The following PCDHA5 variants were observed in gnomAD, a reference collection of about 807,000 sequenced individuals.
PCDHA5 encodes protocadherin alpha 5.
A neutral mutation model predicts 61.6 loss-of-function variants in PCDHA5; 43 were observed. The ratio of observed to expected loss-of-function variants is 0.70; its 90% CI spans 0.55 to 0.90. The LOEUF is 0.90. PCDHA5 is among the 40% of genes least tolerant of loss of function. The probability of loss-of-function intolerance (pLI) is 0.00; values close to 1 mark genes in which losing one functional copy is unlikely to be tolerated. For missense variants in PCDHA5, 1,298 were observed against 1,222.7 expected (o/e 1.06, Z -0.92); for synonymous variants, 627 against 543.9 (o/e 1.15, Z -2.13).
At chr5:140,924,812 T>G (rs947021976) in intron 1 of PCDHA5, among the ~76,000 whole-genome samples, 2 of 151,424 alleles carry the variant, frequency 1.3e-5, no homozygotes, top group African/African-American at 4.9e-5. Flanking sequence ...AGAGAATCGC[T>G]TGAACCTGGG....
intron 1 of PCDHA5, among the ~76,000 whole-genome samples, chr5:140,963,886 T>C (rs1211703076): frequency 6.6e-6 from 1 of 152,236 alleles, no homozygotes; most frequent in African/African-American, 2.4e-5. Flanking sequence ...TTGTTTTCCT[T>C]AATTAAAATG....
chr5:140,977,067 A>G (rs2096744217), intron 1 of PCDHA5, among the ~76,000 whole-genome samples: 1 of 152,250 alleles, frequency 6.6e-6, no homozygotes, highest in South Asian at 2.1e-4. Context: ...TATAGAAAAT[A>G]GCAGCATGAC....
rs782115498 is a variant in PCDHA5, at chr5:140,856,112, G to C, written c.2352+31985G>C. ...GCTGCTCTCGCTTCTTCTCCTCGCA[G>C]CCTGGGAGGTGGGGAGCGGCCAGCT... On this transcript the variant is annotated intron_variant, in intron 1 of 3. Coordinates refer to ENST00000529859, the MANE Select transcript of PCDHA5 (RefSeq NM_018908.3). The C allele has an allele frequency of 2.5e-6, 4 of 1,598,194 alleles. 1 individual carries two copies. The South Asian group carries it at 4.4e-5, about 18-fold the overall frequency.
chr5:140,868,937 C>T (rs2050742656), intron 1 of PCDHA5: 1 of 1,209,168 alleles, frequency 8.3e-7, no homozygotes, highest in East Asian at 2.5e-5. Flanking sequence ...AAAGGTTGGT[C>T]TGAACAGTGA....
At chr5:140,941,214 C>CCTTTCTTCCTTTCTTTCTTTCTTTCTTT (rs2092875794) in intron 1 of PCDHA5, among the ~76,000 whole-genome samples, 1 of 122,414 alleles carries the variant, frequency 8.2e-6, no homozygotes, top group Non-Finnish European at 1.7e-5. Flanking sequence ...TTTCTTTCTT[C>CCTTTCTTCCTTTCTTTCTTTCTTTCTTT]CTTTCTTTCT....
At chr5:140,937,786 T>C (rs246073) in intron 1 of PCDHA5, among the ~76,000 whole-genome samples, 52,378 of 148,788 alleles carry the variant, frequency 0.35, 9,253 homozygotes, top group East Asian at 0.54. Flanking sequence ...GTGGCGGGCG[T>C]ATGTAGTCCC....
intron 1 of PCDHA5, chr5:140,830,424 C>G: frequency 3.7e-6 from 6 of 1,613,930 alleles, no homozygotes; most frequent in Non-Finnish European, 5.1e-6. Flanking sequence ...AGCCTTTCAC[C>G]TTGTCCTATT....
At chr5:140,828,983 A>C (rs2150161618) in intron 1 of PCDHA5, 1 of 1,614,204 alleles carries the variant, frequency 6.2e-7, no homozygotes, top group South Asian at 1.1e-5. Context: ...CATAGATCGA[A>C]ATACGGGAGA....
intron 1 of PCDHA5, chr5:140,843,500 C>T: frequency 1.3e-6 from 2 of 1,596,010 alleles, no homozygotes; most frequent in South Asian, 1.1e-5. Flanking sequence ...CTCAGCACTG[C>T]CCACTGAGGG....
At chr5:140,837,516 C>CT (rs1554136502) in intron 1 of PCDHA5, among the ~76,000 whole-genome samples, 2 of 151,568 alleles carry the variant, frequency 1.3e-5, no homozygotes, top group African/African-American at 4.9e-5. Flanking sequence ...AAGCAGTTTA[C>CT]TTTTTTTGTA....
At position 140,848,444 on chromosome 5, in the gene PCDHA5, C is replaced by T. The variant is rs2150410443; in HGVS notation, c.2352+24317C>T. 2.3e-5 allele frequency: 35 copies of T among 1,498,894 alleles called. 1 individual carries two copies. Among genetic ancestry groups the T allele is most frequent in the Non-Finnish European group, 2.9e-5 (32 of 1,100,132 alleles). The allele number at this position is 1,498,894 out of a possible 1,614,324, so 92.8% of individuals were successfully genotyped here. On this transcript the variant is annotated intron_variant, in intron 1 of 3. Coordinates refer to ENST00000529859, the MANE Select transcript of PCDHA5 (RefSeq NM_018908.3). ...TGGGACTGACGAAATCAGATGATTT[C>T]TTCTAATTTGGAGGCAATTTTCACT... is the stretch of plus-strand genomic sequence containing the variant.
Position 140,870,220 on chromosome 5 carries a change from G to A in PCDHA5, c.2352+46093G>A, listed in dbSNP as rs199741132. 3.2e-5 allele frequency: 52 copies of A among 1,614,042 alleles called. No individual in the cohort carries two copies. The highest frequency in any genetic ancestry group is 2.7e-5 in the Non-Finnish European group (32 of 1,180,040). ...CAGCACGGTCATTGCCCTGATCAGC[G>A]TGTCTGACCGTGACTCAGGTGTCAA... On this transcript the variant is annotated intron_variant, in intron 1 of 3. Transcript: ENST00000529859.
intron 1 of PCDHA5, chr5:140,877,514 G>C: frequency 6.2e-7 from 1 of 1,613,764 alleles, no homozygotes; most frequent in South Asian, 1.1e-5. Context: ...ACGTCGTCGC[G>C]GGCCTCAGTG....
At chr5:140,932,633 A>T (rs1192123242) in intron 1 of PCDHA5, among the ~76,000 whole-genome samples, 1 of 151,912 alleles carries the variant, frequency 6.6e-6, no homozygotes, top group African/African-American at 2.4e-5. Flanking sequence ...ACACTAAAAA[A>T]CTTTAGAATG....
At position 140,858,233 on chromosome 5, in the gene PCDHA5, G is replaced by T. The variant is rs1014024880; in HGVS notation, c.2352+34106G>T. On this transcript the variant is annotated intron_variant, in intron 1 of 3. Coordinates refer to ENST00000529859, the MANE Select transcript of PCDHA5 (RefSeq NM_018908.3). ...GTGCTCGGCGGCGCCCACCGAGGGCGCATGTGGGCCGGTGAAGCCCACGCT... is the reference window on the plus strand; with the variant it reads ...GTGCTCGGCGGCGCCCACCGAGGGCTCATGTGGGCCGGTGAAGCCCACGCT... The T allele has an allele frequency of 9.4e-6, 15 of 1,596,216 alleles. 1 individual carries two copies. Among genetic ancestry groups the T allele is most frequent in the Non-Finnish European group, 1.1e-5 (13 of 1,166,126 alleles).
rs2150111740 is a variant in PCDHA5, at chr5:140,821,897, G to C, written c.122G>C (p.Gly41Ala). 13 of 1,614,240 alleles carry C rather than the reference G, an allele frequency of 8.1e-6. No individual in the cohort carries two copies. In the Admixed American group the frequency reaches 2.2e-4, roughly 27 times the overall value. The change falls in exon 1 of 4, where the codon GGA becomes GCA. Residue 41 changes from glycine to alanine, a missense_variant. Gly to Ala is a moderately conservative substitution (Grantham distance 60, BLOSUM62 0). Transcript: ENST00000529859. ...HYSIPEEAKHGTFVGRIAQDL... is the reference protein window; with the variant it reads ...HYSIPEEAKHATFVGRIAQDL... Reference sequence around the variant, plus strand: ...TCGATCCCGGAGGAAGCCAAACACGGAACCTTCGTTGGCCGCATCGCGCAG... The same window carrying C: ...TCGATCCCGGAGGAAGCCAAACACGCAACCTTCGTTGGCCGCATCGCGCAG...
intron 1 of PCDHA5, among the ~76,000 whole-genome samples, chr5:140,896,747 G>C (rs1162214018): frequency 1.3e-5 from 2 of 152,070 alleles, no homozygotes; most frequent in Admixed American, 1.3e-4. Context: ...ATAGATTCTG[G>C]ATATTAGACC....
chr5:140,929,164 G>A (rs1554206780), intron 1 of PCDHA5: 10 of 1,614,150 alleles, frequency 6.2e-6, no homozygotes, highest in East Asian at 2.2e-5. Context: ...TCTCTATCGG[G>A]CCTCTCTGGG....
intron 1 of PCDHA5, among the ~76,000 whole-genome samples, chr5:140,887,546 T>C (rs1554183101): frequency 1.3e-5 from 2 of 152,114 alleles, no homozygotes; most frequent in Non-Finnish European, 2.9e-5. Flanking sequence ...CCACCCCTCA[T>C]GGTTACTGTT....
Sources: gnomAD v4.1 joint callset for allele counts (sites outside exome capture counted in the v4.1 genomes callset) on GRCh38, gnomAD v4.1.1 for gene constraint, MANE v1.5 for transcripts, NCBI Gene and HGNC (gene_info 2026-07-23, HGNC 2026-07-21) for gene names.